Variants in SLC39A11 observed in about 807,000 individuals in gnomAD.
SLC39A11 encodes the protein solute carrier family 39 member 11, also known as zinc transporter ZIP11.
Under a neutral mutation model 36.1 loss-of-function variants are expected in SLC39A11, and 33 were observed. The ratio of observed to expected loss-of-function variants is 0.91; its 90% CI spans 0.69 to 1.22. The LOEUF (loss-of-function observed/expected upper bound fraction) is 1.22, where lower values mean the gene tolerates loss of function less well. Ranked by LOEUF, SLC39A11 falls within the 50% of genes most tolerant of loss-of-function variation. The probability of loss-of-function intolerance (pLI) is 0.00; values close to 1 mark genes in which losing one functional copy is unlikely to be tolerated. For missense variants in SLC39A11, 432 were observed against 430.3 expected, an observed-to-expected ratio of 1.00 and a Z score of -0.03; for synonymous variants, 166 against 170.3, an observed-to-expected ratio of 0.97 and a Z score of 0.20.
At chr17:72,978,209 T>TCTTC (rs772303600) in intron 4 of SLC39A11, among the ~76,000 whole-genome samples, 1 of 151,640 alleles carries the variant, frequency 6.6e-6, no homozygotes, top group Non-Finnish European at 1.5e-5. Context: ...TTCCTCTTCC[T>TCTTC]CTTCCTTCCT....
intron 4 of SLC39A11, among the ~76,000 whole-genome samples, chr17:73,026,714 C>T (rs183262556): frequency 6.6e-6 from 1 of 151,906 alleles, no homozygotes; most frequent in East Asian, 1.9e-4. Flanking sequence ...TGTATTGATG[C>T]GACGCTAACA....
intron 7 of SLC39A11, among the ~76,000 whole-genome samples, chr17:72,713,207 C>G (rs1331787146): frequency 6.6e-6 from 1 of 152,118 alleles, no homozygotes; most frequent in Non-Finnish European, 1.5e-5. Flanking sequence ...AGGTTTGTAA[C>G]AGGGTAAGAA....
At chr17:72,919,045 C>T (rs2083487291) in intron 5 of SLC39A11, among the ~76,000 whole-genome samples, 1 of 151,810 alleles carries the variant, frequency 6.6e-6, no homozygotes, top group South Asian at 2.1e-4. Context: ...CCTGGGTGAC[C>T]CAGTGAGACT....
chr17:72,983,787 T>C (rs891212321), intron 4 of SLC39A11, among the ~76,000 whole-genome samples: 3 of 152,178 alleles, frequency 2.0e-5, no homozygotes, highest in Admixed American at 2.0e-4. Flanking sequence ...TCCATAAAGA[T>C]GCCCAACGGT....
chr17:72,732,184 T>A (rs941220010), intron 7 of SLC39A11, among the ~76,000 whole-genome samples: 1 of 150,918 alleles, frequency 6.6e-6, no homozygotes. Flanking sequence ...ACCCGGCTAA[T>A]TTTTGTATTT....
Position 72,947,866 on chromosome 17 carries a change from C to G in SLC39A11, c.316G>C (p.Glu106Gln). The G allele has an allele frequency of 6.2e-7, 1 of 1,613,830 alleles. No individual in the cohort carries two copies. Among genetic ancestry groups the G allele is most frequent in the East Asian group, 2.2e-5 (1 of 44,862 alleles). Residue 106 changes from glutamate to glutamine, a missense_variant, in exon 5 of 10, where the codon GAA (glutamate) becomes CAA (glutamine). Physicochemically the swap from Glu to Gln is conservative, Grantham distance 29 (BLOSUM62 2). Transcript: ENST00000255559. ...AGTGCCAGGGTCGTCTGGGGGTCTTCTGCTGCACCCTGAAACAAGAAGCGG... is the reference window on the plus strand; with the variant it reads ...AGTGCCAGGGTCGTCTGGGGGTCTTGTGCTGCACCCTGAAACAAGAAGCGG... The part of the protein sequence containing the change: ...DLLMPHLGAA[E>Q]DPQTTLALNF...
At chr17:73,083,628 A>T (rs1204689367) in intron 3 of SLC39A11, among the ~76,000 whole-genome samples, 2 of 152,242 alleles carry the variant, frequency 1.3e-5, no homozygotes, top group Non-Finnish European at 2.9e-5. Flanking sequence ...CAGGGGACTG[A>T]GGAACAAGTT....
intron 7 of SLC39A11, among the ~76,000 whole-genome samples, chr17:72,721,967 T>C (rs1270891811): frequency 4.3e-5 from 1 of 23,330 alleles, no homozygotes; most frequent in Non-Finnish European, 9.2e-5. Flanking sequence ...AGCCTCCATC[T>C]CAAAAAAAAA....
chr17:72,926,708 T>C (rs1392493574), intron 5 of SLC39A11, among the ~76,000 whole-genome samples: 1 of 152,032 alleles, frequency 6.6e-6, no homozygotes, highest in Non-Finnish European at 1.5e-5. Flanking sequence ...GCCAGATGAG[T>C]TCTGCCGTGT....
At chr17:72,682,583 GC>G (rs1328459591) in intron 7 of SLC39A11, among the ~76,000 whole-genome samples, 4 of 152,224 alleles carry the variant, frequency 2.6e-5, no homozygotes, top group African/African-American at 9.6e-5. Context: ...GGTAAGCACA[GC>G]TGATTGTGGG....
chr17:72,658,310 T>C (rs2070239171), intron 7 of SLC39A11, among the ~76,000 whole-genome samples: 1 of 152,136 alleles, frequency 6.6e-6, no homozygotes, highest in Non-Finnish European at 1.5e-5. Flanking sequence ...AGGTCTCTCA[T>C]CCTTTGCTCT....
At chr17:72,717,503 CAT>C (rs1567979976) in intron 7 of SLC39A11, among the ~76,000 whole-genome samples, 1 of 152,204 alleles carries the variant, frequency 6.6e-6, no homozygotes, top group Non-Finnish European at 1.5e-5. Context: ...CTTCTAGACA[CAT>C]GACTCTAGTC....
chr17:72,913,776 G>C (rs1242879109), intron 5 of SLC39A11, among the ~76,000 whole-genome samples: 3 of 70,780 alleles, frequency 4.2e-5, no homozygotes, highest in African/African-American at 2.1e-4. Context: ...AGAGAACCAG[G>C]GTATCTGATA....
At chr17:73,016,640 C>T (rs2058178119) in intron 4 of SLC39A11, among the ~76,000 whole-genome samples, 1 of 152,208 alleles carries the variant, frequency 6.6e-6, no homozygotes, top group Non-Finnish European at 1.5e-5. Flanking sequence ...CACTCCAATG[C>T]ACACAAAACC....
chr17:73,040,037 G>A (rs780561996), intron 3 of SLC39A11, among the ~76,000 whole-genome samples: 22 of 152,208 alleles, frequency 1.4e-4, no homozygotes, highest in Admixed American at 3.9e-4. Flanking sequence ...GCTGAAGTCC[G>A]AGATGAATCA....
At chr17:72,699,868 C>T (rs868798816) in intron 7 of SLC39A11, among the ~76,000 whole-genome samples, 5 of 152,118 alleles carry the variant, frequency 3.3e-5, no homozygotes, top group Admixed American at 1.3e-4. Context: ...CACTAGCTTT[C>T]GGGTTTGCTA....
At chr17:72,900,207 AAGAAAGAAAG>A (rs2082312961) in intron 5 of SLC39A11, among the ~76,000 whole-genome samples, 1 of 149,710 alleles carries the variant, frequency 6.7e-6, no homozygotes, top group Non-Finnish European at 1.5e-5. Flanking sequence ...GAAAGAAAGA[AAGAAAGAAAG>A]AAAGAAAGAA....
intron 4 of SLC39A11, among the ~76,000 whole-genome samples, chr17:73,006,930 G>A (rs988748066): frequency 6.6e-6 from 1 of 152,110 alleles, no homozygotes. Flanking sequence ...TAAAGCTCCA[G>A]GCTGAACACT....
chr17:72,849,522 C>A, intron 6 of SLC39A11, 112 bp downstream of exon 6: 1 of 1,181,496 alleles, frequency 8.5e-7, no homozygotes, highest in African/African-American at 1.5e-5. Context: ...CACTCCTCTC[C>A]AAAAAGGACC....
Sources: gnomAD v4.1 joint callset for allele counts (sites outside exome capture counted in the v4.1 genomes callset) on GRCh38, gnomAD v4.1.1 for gene constraint, MANE v1.5 for transcripts, NCBI Gene and HGNC (gene_info 2026-07-23, HGNC 2026-07-21) for gene names.